Variants in EYS observed in about 807,000 individuals in gnomAD.
EYS encodes the protein EGF-like photoreceptor maintenance factor, also known as protein eyes shut homolog.
Under a neutral mutation model 282.1 loss-of-function variants are expected in EYS, and 250 were observed. That is an observed-to-expected ratio of 0.89 (90% confidence interval 0.80 to 0.98). The LOEUF (loss-of-function observed/expected upper bound fraction) is 0.98. Among genes scored for constraint, EYS ranks in the 50% least tolerant of loss-of-function variants. The pLI is 0.00. For missense variants in EYS, 4,016 were observed against 3,709.0 expected (o/e 1.08, Z -2.15); for synonymous variants, 1,355 against 1,282.9 (o/e 1.06, Z -1.20).
intron 22 of EYS, among the ~76,000 whole-genome samples, chr6:64,677,338 C>T (rs927638926): frequency 5.3e-5 from 8 of 152,060 alleles, no homozygotes; most frequent in Admixed American, 3.3e-4. Flanking sequence ...TTTAAAAAAA[C>T]GCAATGCTAC....
In EYS at chr6:65,026,916, C is replaced by CAAAAAAAAAAAAAAAAAAA. The variant is rs1260312589; in HGVS notation, c.2138-29214_2138-29213insTTTTTTTTTTTTTTTTTTT. Among the ~76,000 whole-genome samples the CAAAAAAAAAAAAAAAAAAA allele has an allele frequency of 3.2e-4, 34 of 107,824 alleles. 4 individuals carry two copies. The highest frequency in any genetic ancestry group is 9.0e-4 in the East Asian group (3 of 3,346). The allele number at this position is 107,824 out of a possible 152,430, so 70.7% of individuals were successfully genotyped here. ...TGGGCGACAGAGTGAGACTCCGTCT[C>CAAAAAAAAAAAAAAAAAAA]AAAAAAAAAAAAAAGATTCAGATAT... On this transcript the variant is annotated intron_variant, in intron 13 of 42. Transcript: ENST00000503581.
rs752106871 is a variant in EYS, at chr6:65,546,929, GC to G, written c.-332-50937del. Among the ~76,000 whole-genome samples the G allele has an allele frequency of 5.9e-5, 9 of 152,012 alleles. No homozygotes were observed. The South Asian group carries it at 6.2e-4, about 10-fold the overall frequency. The stretch of plus-strand genomic sequence containing the variant: ...TCATGGCTAGGAGCAGGCAGCATTT[GC>G]CGTTAAGTTTTCTACAACTCTACTA... On this transcript the variant is annotated intron_variant, in intron 2 of 42. Transcript: ENST00000503581.
chr6:64,617,445 C>G lies in EYS; in HGVS notation c.3657G>C (p.Ser1219=), dbSNP rs1028539228. The G allele has an allele frequency of 6.5e-7, 1 of 1,550,164 alleles. No individual in the cohort carries two copies. The highest frequency in any genetic ancestry group is 8.7e-7 in the Non-Finnish European group (1 of 1,145,936). ...HELCMENEPG[S]TCLCTPGFMT... ...TAAATCCAGGTGTGCATAAACATGT[C>G]GAGCCAGGTTCATTCTCCATGCAGA... The change falls in exon 24 of 43, where the codon TCG becomes TCC. Residue 1219 remains serine (S), a synonymous_variant. Coordinates refer to ENST00000503581, the MANE Select transcript of EYS (RefSeq NM_001142800.2).
chr6:63,880,248 G>A lies in EYS; in HGVS notation c.7056-15890C>T, dbSNP rs544879811. Among the ~76,000 whole-genome samples the A allele has an allele frequency of 6.3e-4, 96 of 152,202 alleles. 2 individuals carry two copies. In the South Asian group the frequency reaches 0.018, roughly 28 times the overall value. On this transcript the variant is annotated intron_variant, in intron 35 of 42. Transcript: ENST00000503581. The stretch of plus-strand genomic sequence containing the variant: ...GGGCACCATCTAATCAGCTGCAAGC[G>A]AATATAAATCAGGCAGCAAAAATGG...
chr6:63,884,039 A>G (rs934952648), intron 35 of EYS, among the ~76,000 whole-genome samples: 9 of 152,180 alleles, frequency 5.9e-5, no homozygotes, highest in Admixed American at 2.0e-4. Context: ...TATTGTACCT[A>G]GAATTATAAG....
intron 30 of EYS, among the ~76,000 whole-genome samples, chr6:64,271,602 AAG>A (rs1767940039): frequency 6.6e-6 from 1 of 152,132 alleles, no homozygotes; most frequent in African/African-American, 2.4e-5. Flanking sequence ...AAGTCAGAGA[AAG>A]AGTGTCATAT....
intron 5 of EYS, among the ~76,000 whole-genome samples, chr6:65,446,609 T>G (rs572887431): frequency 1.3e-5 from 2 of 151,818 alleles, no homozygotes; most frequent in East Asian, 3.9e-4. Flanking sequence ...AAGTATTAAC[T>G]TGAGAGAAAG....
chr6:64,880,691 T>C lies in EYS; in HGVS notation c.2992+6006A>G, dbSNP rs549140737. On this transcript the variant is annotated intron_variant, in intron 19 of 42. Transcript: ENST00000503581. ...GTTTTTAATTTCTTTTTAGAATTTTTCCTGTGGAAAGTTAATACCATATAA... is the reference window on the plus strand; with the variant it reads ...GTTTTTAATTTCTTTTTAGAATTTTCCCTGTGGAAAGTTAATACCATATAA... 1.8e-4 allele frequency among the ~76,000 whole-genome samples: 27 copies of C among 150,822 alleles called. No individual in the cohort carries two copies. The South Asian group carries it at 5.4e-3, about 30-fold the overall frequency.
At chr6:63,777,946 G>A (rs1211865773) in intron 40 of EYS, 60 bp downstream of exon 40, 9 of 1,392,762 alleles carry the variant, frequency 6.5e-6, no homozygotes, top group Non-Finnish European at 9.0e-6. Context: ...ATGACAGAGT[G>A]GAGTACCAGT....
chr6:65,062,316 C>T (rs1773601491), intron 12 of EYS, among the ~76,000 whole-genome samples: 2 of 151,872 alleles, frequency 1.3e-5, no homozygotes. Flanking sequence ...TGTTCCTCAC[C>T]CTCCCTGAAT....
intron 26 of EYS, among the ~76,000 whole-genome samples, chr6:64,549,900 C>A (rs932816767): frequency 1.4e-4 from 21 of 152,038 alleles, no homozygotes; most frequent in African/African-American, 5.1e-4. Flanking sequence ...CCCTACCCCA[C>A]AACAGGCCCT....
chr6:65,424,765 C>A (rs1036927670), intron 5 of EYS, among the ~76,000 whole-genome samples: 2 of 151,964 alleles, frequency 1.3e-5, no homozygotes, highest in Non-Finnish European at 2.9e-5. Flanking sequence ...GGATCTCTCA[C>A]CTCTGTCTGA....
intron 26 of EYS, among the ~76,000 whole-genome samples, chr6:64,507,327 C>T (rs527394570): frequency 1.3e-5 from 2 of 152,136 alleles, no homozygotes; most frequent in African/African-American, 4.8e-5. Context: ...AGCAGACTAC[C>T]TGTTTAAAAG....
chr6:65,046,991 A>G (rs544832681), intron 13 of EYS, among the ~76,000 whole-genome samples: 57 of 151,846 alleles, frequency 3.8e-4, no homozygotes, highest in South Asian at 2.9e-3. Flanking sequence ...TGCAATGTGA[A>G]GTTGTGCTTG....
intron 12 of EYS, among the ~76,000 whole-genome samples, chr6:65,289,011 T>A (rs1463648349): frequency 2.0e-5 from 3 of 150,862 alleles, no homozygotes; most frequent in Non-Finnish European, 4.5e-5. Context: ...AGGAAAAATA[T>A]AACATAGAAT....
intron 19 of EYS, among the ~76,000 whole-genome samples, chr6:64,869,363 G>A (rs910112360): frequency 4.6e-5 from 7 of 151,330 alleles, no homozygotes; most frequent in African/African-American, 1.5e-4. Context: ...TCTGGACCAG[G>A]GGATACAGGG....
chr6:64,242,114 G>A (rs1390832970), intron 30 of EYS, among the ~76,000 whole-genome samples: 1 of 152,108 alleles, frequency 6.6e-6, no homozygotes, highest in African/African-American at 2.4e-5. Context: ...TAAGTGCGAT[G>A]TGGTGCTGAG....
chr6:65,488,381 T>A (rs1437869830), intron 5 of EYS, among the ~76,000 whole-genome samples: 1 of 152,196 alleles, frequency 6.6e-6, no homozygotes, highest in African/African-American at 2.4e-5. Context: ...GTGTCTTTGT[T>A]CTCATTGGTT....
intron 36 of EYS, among the ~76,000 whole-genome samples, chr6:63,848,786 G>A (rs1562058417): frequency 6.6e-6 from 1 of 152,136 alleles, no homozygotes; most frequent in Non-Finnish European, 1.5e-5. Context: ...CTAGATGCAG[G>A]AGTTAGTTTT....
Sources: gnomAD v4.1 joint callset for allele counts (sites outside exome capture counted in the v4.1 genomes callset) on GRCh38, gnomAD v4.1.1 for gene constraint, MANE v1.5 for transcripts, NCBI Gene and HGNC (gene_info 2026-07-23, HGNC 2026-07-21) for gene names.